SCLT1: variants seen among roughly 807,000 people sequenced by gnomAD.
SCLT1 encodes sodium channel-associated protein 1.
A neutral mutation model predicts 112.8 loss-of-function variants in SCLT1; 78 were observed. The ratio of observed to expected loss-of-function variants is 0.69; its 90% CI spans 0.58 to 0.83. SCLT1 has a LOEUF of 0.83. SCLT1 is among the 40% of genes least tolerant of loss of function. The pLI, the probability that SCLT1 is intolerant of heterozygous loss-of-function variation, is 0.00. For synonymous variants in SCLT1, 257 were observed against 254.7 expected (o/e 1.01, Z -0.09); for missense variants, 747 against 770.4 (o/e 0.97, Z 0.36).
chr4:128,981,610 A>G (rs1376791576), intron 9 of SCLT1, among the ~76,000 whole-genome samples: 1 of 151,910 alleles, frequency 6.6e-6, no homozygotes, highest in Non-Finnish European at 1.5e-5. Context: ...CTACAATTTC[A>G]TCCTCGAGCC....
At chr4:129,048,297 C>G (rs1212498816) in intron 2 of SCLT1, among the ~76,000 whole-genome samples, 1 of 152,054 alleles carries the variant, frequency 6.6e-6, no homozygotes, top group African/African-American at 2.4e-5. Flanking sequence ...ATCAATGGAA[C>G]AGAACAGAGC....
intron 18 of SCLT1, among the ~76,000 whole-genome samples, chr4:128,908,394 AGAAAG>A (rs1734849371): frequency 2.0e-5 from 3 of 149,778 alleles, no homozygotes; most frequent in Non-Finnish European, 3.0e-5. Flanking sequence ...AAAAAAAAAA[AGAAAG>A]AAAAAAACAG....
chr4:129,052,778 ATT>A (rs1561021668), intron 2 of SCLT1, among the ~76,000 whole-genome samples: 1 of 151,804 alleles, frequency 6.6e-6, no homozygotes, highest in Admixed American at 6.6e-5. Context: ...TAGCTTTTGC[ATT>A]TGTTTGCTCT....
intron 18 of SCLT1, among the ~76,000 whole-genome samples, chr4:128,924,033 A>T (rs1313961988): frequency 7.9e-5 from 12 of 151,828 alleles, no homozygotes; most frequent in Admixed American, 2.0e-4. Flanking sequence ...AGGTTGGTCT[A>T]TGTGTGGATG....
chr4:128,992,152 C>A lies in SCLT1; in HGVS notation c.686+15G>T. 1 of 1,508,170 alleles carries A rather than the reference C, an allele frequency of 6.6e-7. No individual in the cohort carries two copies. Among genetic ancestry groups the A allele is most frequent in the South Asian group, 1.2e-5 (1 of 85,030 alleles). The allele number at this position is 1,508,170 out of a possible 1,614,324, so 93.4% of individuals were successfully genotyped here. A position where few individuals can be genotyped will look rare whatever the true frequency, so the allele number is the denominator to read the frequency against. On this transcript the variant is annotated intron_variant, in intron 9 of 20. Coordinates refer to ENST00000281142, the MANE Select transcript of SCLT1 (RefSeq NM_144643.4). ...TAATTAACAATGAAATAATGAAACT[C>A]ATTTTTGAAAATACCTAAGTTTTTT...
Position 128,980,363 on chromosome 4 carries a change from C to A in SCLT1, c.687-9895G>T, listed in dbSNP as rs747009214. Among the ~76,000 whole-genome samples the A allele has an allele frequency of 3.5e-3, 529 of 152,144 alleles. 6 individuals carry two copies. The highest frequency in any genetic ancestry group is 0.01 in the Middle Eastern group (3 of 292). ...AAATAAGATAGTATATAAAAATTAT[C>A]AGCACACACATTTTTAAAGAAAAAA... On this transcript the variant is annotated intron_variant, in intron 9 of 20. Transcript: ENST00000281142.
chr4:129,003,420 C>T (rs1374502297), intron 6 of SCLT1, among the ~76,000 whole-genome samples: 2 of 132,480 alleles, frequency 1.5e-5, no homozygotes, highest in African/African-American at 2.8e-5. Context: ...TATCCTAGAA[C>T]TTAAAGTATA....
chr4:128,983,230 G>T (rs950660847), intron 9 of SCLT1, among the ~76,000 whole-genome samples: 7 of 152,072 alleles, frequency 4.6e-5, no homozygotes, highest in African/African-American at 1.7e-4. Context: ...AGATAACATT[G>T]GTTATTCCTA....
At position 128,999,653 on chromosome 4, in the gene SCLT1, T is replaced by G. The variant is rs1308955417; in HGVS notation, c.549+19A>C. Reference sequence around the variant, plus strand: ...AATTTCTTATTGATATACAAGAAAATGATGAAATCCAAGATTACCTTTTGT... The same window carrying G: ...AATTTCTTATTGATATACAAGAAAAGGATGAAATCCAAGATTACCTTTTGT... On this transcript the variant is annotated intron_variant, in intron 7 of 20. Coordinates refer to ENST00000281142, the MANE Select transcript of SCLT1 (RefSeq NM_144643.4). The G allele has an allele frequency of 6.3e-7, 1 of 1,590,736 alleles. No homozygotes were observed. Among genetic ancestry groups the G allele is most frequent in the East Asian group, 2.3e-5 (1 of 44,298 alleles).
chr4:129,064,749 A>G (rs1392732853), intron 2 of SCLT1, among the ~76,000 whole-genome samples: 6 of 152,184 alleles, frequency 3.9e-5, no homozygotes, highest in Non-Finnish European at 8.8e-5. Flanking sequence ...CTAGTAAGCC[A>G]TTAGAAGCAT....
intron 14 of SCLT1, among the ~76,000 whole-genome samples, chr4:128,950,673 C>T (rs1738649484): frequency 6.6e-6 from 1 of 151,818 alleles, no homozygotes; most frequent in Admixed American, 6.6e-5. Flanking sequence ...GCCGACCTAA[C>T]CAAATGAGAA....
At chr4:129,064,095 T>C (rs1401609461) in intron 2 of SCLT1, among the ~76,000 whole-genome samples, 1 of 152,184 alleles carries the variant, frequency 6.6e-6, no homozygotes, top group Non-Finnish European at 1.5e-5. Context: ...TGTGGGGAGA[T>C]GACAGTAGAT....
intron 18 of SCLT1, among the ~76,000 whole-genome samples, chr4:128,923,524 C>T: frequency 6.6e-6 from 1 of 151,814 alleles, no homozygotes; most frequent in Non-Finnish European, 1.5e-5. Context: ...AGTCACTGCC[C>T]CACCCCTCAA....
chr4:128,918,640 C>T (rs1735651587), intron 18 of SCLT1, among the ~76,000 whole-genome samples: 2 of 152,030 alleles, frequency 1.3e-5, no homozygotes, highest in Non-Finnish European at 1.5e-5. Flanking sequence ...CATAGAGTGG[C>T]AAGTTGGATG....
intron 13 of SCLT1, among the ~76,000 whole-genome samples, chr4:128,953,812 A>C (rs1445546142): frequency 7.4e-6 from 1 of 135,180 alleles, no homozygotes; most frequent in African/African-American, 2.6e-5. Context: ...AAAAAAAAAC[A>C]AAAAAACAAA....
chr4:129,050,136 T>A (rs565156317), intron 2 of SCLT1, among the ~76,000 whole-genome samples: 1 of 152,358 alleles, frequency 6.6e-6, no homozygotes, highest in African/African-American at 2.4e-5. Flanking sequence ...ATCCAGTCTA[T>A]CATTGATAGG....
rs575091074 is a variant in SCLT1, at chr4:129,027,460, T to C, written c.290+11581A>G. Among the ~76,000 whole-genome samples, 7 of 152,300 alleles carry C rather than the reference T, an allele frequency of 4.6e-5. No homozygotes were observed. The South Asian group carries it at 1.5e-3, about 32-fold the overall frequency. On this transcript the variant is annotated intron_variant, in intron 5 of 20. Transcript: ENST00000281142. Reference sequence around the variant, plus strand: ...ATGTCAATAGATGCGGAAAAGGCCTTTGACAAAATTCAACAACGCTTCATG... The same window carrying C: ...ATGTCAATAGATGCGGAAAAGGCCTCTGACAAAATTCAACAACGCTTCATG...
intron 5 of SCLT1, among the ~76,000 whole-genome samples, chr4:129,007,826 A>G (rs963806065): frequency 6.6e-6 from 1 of 152,016 alleles, no homozygotes; most frequent in Non-Finnish European, 1.5e-5. Flanking sequence ...TTTTGTTCCT[A>G]TTCTTTCTTA....
chr4:129,021,533 A>T lies in SCLT1; in HGVS notation c.290+17508T>A, dbSNP rs1745472566. On this transcript the variant is annotated intron_variant, in intron 5 of 20. Transcript: ENST00000281142. Reference sequence around the variant, plus strand: ...GGGCATCCGCCATTACTGAGGCTTGAATAGGCAGTTTTCCCCTGACAGTGC... The same window carrying T: ...GGGCATCCGCCATTACTGAGGCTTGTATAGGCAGTTTTCCCCTGACAGTGC... Among the ~76,000 whole-genome samples the T allele has an allele frequency of 2.0e-5, 3 of 152,190 alleles. No individual in the cohort carries two copies. The South Asian group carries it at 6.2e-4, about 32-fold the overall frequency.
Sources: gnomAD v4.1 joint callset for allele counts (sites outside exome capture counted in the v4.1 genomes callset) on GRCh38, gnomAD v4.1.1 for gene constraint, MANE v1.5 for transcripts, NCBI Gene and HGNC (gene_info 2026-07-23, HGNC 2026-07-21) for gene names.